CCDC33: variants seen among roughly 807,000 people sequenced by gnomAD.
CCDC33 encodes the protein coiled-coil domain containing 33.
In CCDC33, 94 loss-of-function variants were observed where a neutral mutation model predicts 91.9. The observed-to-expected ratio is 1.02, with a 90% confidence interval of 0.87 to 1.21. CCDC33 has a LOEUF of 1.21. Ranked by LOEUF, CCDC33 falls within the 50% of genes most tolerant of loss-of-function variation. The pLI is 0.00. For missense variants in CCDC33, 940 were observed against 935.5 expected (o/e 1.00, Z -0.06); for synonymous variants, 396 against 374.5 (o/e 1.06, Z -0.66).
intron 2 of CCDC33, among the ~76,000 whole-genome samples, chr15:74,225,155 T>TGA (rs1555461027): frequency 1.1e-4 from 16 of 143,300 alleles, no homozygotes; most frequent in African/African-American, 3.8e-4. Flanking sequence ...TGTGTGTGTG[T>TGA]GACAGAGAAT....
chr15:74,256,093 G>A (rs1423446258), intron 2 of CCDC33, among the ~76,000 whole-genome samples: 1 of 152,230 alleles, frequency 6.6e-6, no homozygotes, highest in East Asian at 1.9e-4. Flanking sequence ...GAACAGTCTA[G>A]TAGTGGTGGT....
rs191513896 is a variant in CCDC33 at position 74,332,455 on chromosome 15, C to T, written c.1772-224C>T. Among the ~76,000 whole-genome samples, 1,037 of 152,262 alleles carry T rather than the reference C, an allele frequency of 6.8e-3. 11 individuals carry two copies. Among genetic ancestry groups the T allele is most frequent in the African/African-American group, 0.024 (1,004 of 41,554 alleles). On this transcript the variant is annotated intron_variant, in intron 15 of 18. Transcript: ENST00000398814. ...GAGAGAGAGGTGAGGAGCTGAAATACACTGAAGACAAATGAGGAGTTAGAG... is the reference window on the plus strand; with the variant it reads ...GAGAGAGAGGTGAGGAGCTGAAATATACTGAAGACAAATGAGGAGTTAGAG...
At chr15:74,230,756 G>A (rs1048545499) in intron 2 of CCDC33, among the ~76,000 whole-genome samples, 9 of 152,136 alleles carry the variant, frequency 5.9e-5, no homozygotes, top group Non-Finnish European at 2.9e-5. Context: ...CCATGTGAAG[G>A]CATCCATTCT....
chr15:74,261,543 G>T (rs935529470), intron 2 of CCDC33, among the ~76,000 whole-genome samples: 5 of 152,194 alleles, frequency 3.3e-5, no homozygotes, highest in Non-Finnish European at 5.9e-5. Flanking sequence ...CCCTCCGCAA[G>T]GTGTGTGGTG....
intron 11 of CCDC33, among the ~76,000 whole-genome samples, chr15:74,306,789 T>G (rs1448743724): frequency 1.3e-5 from 2 of 152,038 alleles, no homozygotes; most frequent in African/African-American, 4.8e-5. Flanking sequence ...TCAGAGGAGA[T>G]GAGAACGAGG....
intron 9 of CCDC33, among the ~76,000 whole-genome samples, chr15:74,281,512 C>T (rs2059363305): frequency 6.6e-6 from 1 of 152,210 alleles, no homozygotes. Flanking sequence ...TACTTCTGGC[C>T]ATCCTGACAT....
Position 74,280,686 on chromosome 15 carries a change from G to A in CCDC33, c.908G>A (p.Trp303Ter). The change falls in exon 9 of 19, where the codon TGG (tryptophan) becomes TAG (stop). Residue 303 changes from tryptophan (W) to a stop codon, truncating the protein, a stop_gained. Transcript: ENST00000398814. LOFTEE classifies it high-confidence loss of function. ...CCCACAGTGAAAGGCAGCCAGCCGT[G>A]GACCCTCAACCAGCCCCTGGGCATC... ...SSTSMKGSQP[W>*]TLNQPLGISV... is the part of the protein sequence containing the mutation. The A allele has an allele frequency of 6.6e-7, 1 of 1,515,506 alleles. No homozygotes were observed. Among genetic ancestry groups the A allele is most frequent in the Admixed American group, 2.2e-5 (1 of 45,942 alleles). 93.9% of individuals were successfully genotyped at this position (1,515,506 alleles called of 1,614,324 possible).
At chr15:74,303,674 A>T (rs1480875025) in intron 11 of CCDC33, 2 of 152,522 alleles carry the variant, frequency 1.3e-5, no homozygotes, top group African/African-American at 4.8e-5. Context: ...TGCAGCACAC[A>T]CTCACGAGCT....
At chr15:74,314,576 T>TC (rs199560259) in intron 11 of CCDC33, among the ~76,000 whole-genome samples, 2,012 of 150,274 alleles carry the variant, frequency 0.013, 22 homozygotes, top group Middle Eastern at 0.068. Flanking sequence ...CTGCCCACCC[T>TC]CCCCCTGCCA....
At chr15:74,225,529 CT>C (rs1209177331) in intron 2 of CCDC33, among the ~76,000 whole-genome samples, 1 of 151,824 alleles carries the variant, frequency 6.6e-6, no homozygotes, top group Non-Finnish European at 1.5e-5. Flanking sequence ...AGAGACCCCC[CT>C]ACCCTCCACC....
intron 11 of CCDC33, among the ~76,000 whole-genome samples, chr15:74,315,216 G>T (rs1220831668): frequency 2.0e-5 from 3 of 152,184 alleles, no homozygotes; most frequent in Admixed American, 6.5e-5. Context: ...GTTGCGGGGA[G>T]GCCTCTCCTA....
intron 2 of CCDC33, among the ~76,000 whole-genome samples, chr15:74,246,722 AC>A (rs2075542010): frequency 6.6e-6 from 1 of 152,238 alleles, no homozygotes; most frequent in South Asian, 2.1e-4. Flanking sequence ...TGGTGGGAAT[AC>A]GCAGTAAAAT....
At chr15:74,277,245 C>T (rs1170413934) in intron 7 of CCDC33, among the ~76,000 whole-genome samples, 1 of 152,204 alleles carries the variant, frequency 6.6e-6, no homozygotes, top group Non-Finnish European at 1.5e-5. Flanking sequence ...GGCCACACAG[C>T]AAGGTTGAGG....
At position 74,272,798 on chromosome 15, in the gene CCDC33, C is replaced by A; in HGVS notation, c.666C>A (p.Ala222=). 6.2e-7 allele frequency: 1 copy of A among 1,614,204 alleles called. No homozygotes were observed. Among genetic ancestry groups the A allele is most frequent in the Non-Finnish European group, 8.5e-7 (1 of 1,180,030 alleles). Residue 222 remains alanine (A), a synonymous_variant, in exon 7 of 19, where the codon GCC becomes GCA. Coordinates refer to ENST00000398814, the MANE Select transcript of CCDC33 (RefSeq NM_025055.5). ...FKVSQANRDL[A]SVGLPITPLS... Reference sequence around the variant, plus strand: ...TCAGCCAGGCTAACAGGGACCTGGCCTCTGTGGGGCTGCCCATCACCCCAC... The same window carrying A: ...TCAGCCAGGCTAACAGGGACCTGGCATCTGTGGGGCTGCCCATCACCCCAC...
At chr15:74,231,889 C>T (rs2074983430), upstream of CCDC33, among the ~76,000 whole-genome samples, 1 of 152,126 alleles carries the variant, frequency 6.6e-6, no homozygotes, top group African/African-American at 2.4e-5. Context: ...GGTGGCATGC[C>T]TATAATCCCA....
intron 2 of CCDC33, among the ~76,000 whole-genome samples, chr15:74,254,920 G>A (rs1464305735): frequency 1.3e-5 from 2 of 152,012 alleles, no homozygotes; most frequent in Non-Finnish European, 2.9e-5. Flanking sequence ...GCTAATTATT[G>A]TATTTTTAGT....
At chr15:74,250,089 A>G (rs1411595895) in intron 2 of CCDC33, among the ~76,000 whole-genome samples, 3 of 151,860 alleles carry the variant, frequency 2.0e-5, no homozygotes, top group Non-Finnish European at 4.4e-5. Context: ...CATCCAATCC[A>G]TCACCAAGTC....
chr15:74,257,924 G>C (rs1313605703), intron 2 of CCDC33, among the ~76,000 whole-genome samples: 2 of 152,252 alleles, frequency 1.3e-5, no homozygotes, highest in Non-Finnish European at 1.5e-5. Flanking sequence ...GAGTCTGGCA[G>C]CCTCTTGGAC....
intron 4 of CCDC33, among the ~76,000 whole-genome samples, chr15:74,267,910 G>A (rs1213660771): frequency 6.6e-6 from 1 of 152,162 alleles, no homozygotes; most frequent in East Asian, 1.9e-4. Flanking sequence ...GGCACCAGGG[G>A]GCTTTACCTT....
Sources: allele counts gnomAD v4.1 joint callset (sites outside exome capture counted in the v4.1 genomes callset), GRCh38; gene constraint gnomAD v4.1.1; transcripts MANE v1.5; gene names NCBI Gene and HGNC (gene_info 2026-07-23, HGNC 2026-07-21).